The following UNC5D variants were observed in gnomAD, a reference collection of about 807,000 sequenced individuals.
UNC5D encodes the protein netrin receptor UNC5D.
A neutral mutation model predicts 105.4 loss-of-function variants in UNC5D; 39 were observed. The observed-to-expected ratio is 0.37, with a 90% CI of 0.29 to 0.48. The LOEUF (loss-of-function observed/expected upper bound fraction) is 0.48, where lower values mean the gene tolerates loss of function less well. Among genes scored for constraint, UNC5D ranks in the 20% least tolerant of loss-of-function variants. The probability of loss-of-function intolerance (pLI) is 0.98; values close to 1 mark genes in which losing one functional copy is unlikely to be tolerated. For missense variants in UNC5D, 991 were observed against 1,202.4 expected, an observed-to-expected ratio of 0.82 and a Z score of 2.60; for synonymous variants, 452 against 450.4, an observed-to-expected ratio of 1.00 and a Z score of -0.04.
chr8:35,440,310 A>T (rs1431214329), intron 1 of UNC5D, among the ~76,000 whole-genome samples: 1 of 152,024 alleles, frequency 6.6e-6, no homozygotes. Flanking sequence ...CATCACAGGA[A>T]CACAAATCAC....
At chr8:35,766,748 A>T (rs1356331978) in intron 14 of UNC5D, among the ~76,000 whole-genome samples, 154 bp from the exon 15 acceptor site, 1 of 152,194 alleles carries the variant, frequency 6.6e-6, no homozygotes, top group Non-Finnish European at 1.5e-5. Context: ...CAACAATTCC[A>T]CTAAAGCTGC....
intron 11 of UNC5D, among the ~76,000 whole-genome samples, chr8:35,739,769 A>G (rs746579120): frequency 6.6e-6 from 1 of 152,178 alleles, no homozygotes; most frequent in Non-Finnish European, 1.5e-5. Flanking sequence ...CTGTCCTATT[A>G]AGATATTTAA....
chr8:35,405,319 A>C (rs2128953439), intron 1 of UNC5D, among the ~76,000 whole-genome samples: 1 of 152,298 alleles, frequency 6.6e-6, no homozygotes, highest in East Asian at 1.9e-4. Flanking sequence ...TTGGTTCCCA[A>C]AGAAAATGAA....
chr8:35,376,733 T>C (rs1563357604), intron 1 of UNC5D, among the ~76,000 whole-genome samples: 1 of 152,284 alleles, frequency 6.6e-6, no homozygotes, highest in South Asian at 2.1e-4. Context: ...CTTCTGCACT[T>C]GGTCCTAACC....
At chr8:35,700,128 C>T (rs1827086322) in intron 7 of UNC5D, among the ~76,000 whole-genome samples, 1 of 152,218 alleles carries the variant, frequency 6.6e-6, no homozygotes, top group Non-Finnish European at 1.5e-5. Flanking sequence ...CAAGGCCTAT[C>T]TGCCAGGCCC....
chr8:35,235,935 C>T, intron 1 of UNC5D, 48 bp downstream of exon 1: 1 of 1,217,774 alleles, frequency 8.2e-7, no homozygotes, highest in Non-Finnish European at 1.0e-6. Flanking sequence ...CGCAGGGGCG[C>T]CAGCCTGACG....
chr8:35,668,052 C>A (rs975769148), intron 4 of UNC5D, among the ~76,000 whole-genome samples: 1 of 152,080 alleles, frequency 6.6e-6, no homozygotes, highest in African/African-American at 2.4e-5. Flanking sequence ...GTACCAATTT[C>A]GATTCATCAA....
At chr8:35,495,241 G>A (rs1459928208) in intron 1 of UNC5D, among the ~76,000 whole-genome samples, 3 of 152,068 alleles carry the variant, frequency 2.0e-5, no homozygotes, top group Admixed American at 6.6e-5. Context: ...AATGAGATAA[G>A]GAAAGTATGT....
chr8:35,470,839 A>G (rs370029561), intron 1 of UNC5D, among the ~76,000 whole-genome samples: 1 of 151,980 alleles, frequency 6.6e-6, no homozygotes, highest in South Asian at 2.1e-4. Flanking sequence ...CAGAGTTGGT[A>G]TGGCACTGAC....
At chr8:35,511,670 T>C (rs954306266) in intron 1 of UNC5D, among the ~76,000 whole-genome samples, 10 of 151,600 alleles carry the variant, frequency 6.6e-5, no homozygotes, top group African/African-American at 1.7e-4. Context: ...CTGGGCCACA[T>C]TGAAAGAAGA....
intron 1 of UNC5D, among the ~76,000 whole-genome samples, chr8:35,246,748 A>G (rs1466287701): frequency 1.3e-5 from 2 of 152,148 alleles, no homozygotes; most frequent in Non-Finnish European, 1.5e-5. Context: ...TGTTTTGTTA[A>G]GAGATTTAAA....
chr8:35,425,049 G>A (rs577251523), intron 1 of UNC5D, among the ~76,000 whole-genome samples: 7 of 152,222 alleles, frequency 4.6e-5, no homozygotes, highest in Admixed American at 2.0e-4. Context: ...GTGGGGGAAG[G>A]GGGGAGGGAT....
At chr8:35,706,822 A>G (rs1827609926) in intron 8 of UNC5D, among the ~76,000 whole-genome samples, 1 of 152,198 alleles carries the variant, frequency 6.6e-6, no homozygotes, top group African/African-American at 2.4e-5. Context: ...ACCTCAGAAC[A>G]GAACAAATAA....
At chr8:35,359,126 G>A (rs1233287720) in intron 1 of UNC5D, among the ~76,000 whole-genome samples, 1 of 152,174 alleles carries the variant, frequency 6.6e-6, no homozygotes, top group Non-Finnish European at 1.5e-5. Flanking sequence ...ACTCTGTCTG[G>A]ATGGCCAAGC....
intron 16 of UNC5D, among the ~76,000 whole-genome samples, 174 bp from the exon 17 acceptor site, chr8:35,790,185 A>C (rs1802972555): frequency 6.6e-6 from 1 of 152,180 alleles, no homozygotes; most frequent in Non-Finnish European, 1.5e-5. Flanking sequence ...GCACAGTTTC[A>C]ACTGAGTGCT....
intron 1 of UNC5D, among the ~76,000 whole-genome samples, chr8:35,480,541 C>T (rs1020358873): frequency 6.6e-6 from 1 of 152,072 alleles, no homozygotes; most frequent in East Asian, 1.9e-4. Context: ...TTGTTCACTC[C>T]TACTTGTTAT....
At chr8:35,393,240 TCTC>T (rs1434494121) in intron 1 of UNC5D, among the ~76,000 whole-genome samples, 3 of 149,112 alleles carry the variant, frequency 2.0e-5, no homozygotes, top group Admixed American at 6.7e-5. Context: ...TTCATGCCAT[TCTC>T]CTGCCTCAGC....
At chr8:35,741,961 C>T (rs1412144014) in intron 11 of UNC5D, among the ~76,000 whole-genome samples, 5 of 152,124 alleles carry the variant, frequency 3.3e-5, no homozygotes, top group Non-Finnish European at 5.9e-5. Flanking sequence ...GTTTTAGAAC[C>T]ACTTGAAGAT....
rs879701613 is a variant in UNC5D, at chr8:35,789,893, A to ACAC, written c.2658-466_2658-465insCAC. 3.5e-3 allele frequency among the ~76,000 whole-genome samples: 461 copies of ACAC among 130,906 alleles called. 1 individual carries two copies. The highest frequency in any genetic ancestry group is 0.014 in the African/African-American group (391 of 27,964). The allele number at this position is 130,906 out of a possible 152,430, so 85.9% of individuals were successfully genotyped here. A position where few individuals can be genotyped will look rare whatever the true frequency, so the allele number is the denominator to read the frequency against. On this transcript the variant is annotated intron_variant, in intron 16 of 16. Transcript: ENST00000404895. ...GCATGTCAAGGGGATAGTCAAGAAGAAAACACACACACACACACACACACA... is the reference window on the plus strand; with the variant it reads ...GCATGTCAAGGGGATAGTCAAGAAGACACAAACACACACACACACACACACACA...
Sources: allele counts gnomAD v4.1 joint callset (sites outside exome capture counted in the v4.1 genomes callset), GRCh38; gene constraint gnomAD v4.1.1; transcripts MANE v1.5; gene names NCBI Gene and HGNC (gene_info 2026-07-23, HGNC 2026-07-21).